Variants in EML5 observed in about 807,000 individuals in gnomAD.
EML5 encodes EMAP like 5, also known as echinoderm microtubule-associated protein-like 5.
A neutral mutation model predicts 250.0 loss-of-function variants in EML5; 120 were observed. That is an observed-to-expected ratio of 0.48 (90% confidence interval 0.41 to 0.56). EML5 has a LOEUF of 0.56. EML5 is among the 20% of genes least tolerant of loss of function. The pLI is 0.00. For synonymous variants in EML5, 771 were observed against 806.5 expected, an observed-to-expected ratio of 0.96 and a Z score of 0.75; for missense variants, 2,006 against 2,437.6, an observed-to-expected ratio of 0.82 and a Z score of 3.73.
chr14:88,616,057 A>G (rs2087559388), intron 43 of EML5, 85 bp downstream of exon 43: 3 of 1,425,414 alleles, frequency 2.1e-6, no homozygotes, highest in Non-Finnish European at 3.0e-6. Flanking sequence ...AGCTGATTTC[A>G]TAAACCAAAG....
intron 16 of EML5, 39 bp downstream of exon 16, chr14:88,695,322 C>T: frequency 6.5e-7 from 1 of 1,527,736 alleles, no homozygotes; most frequent in Admixed American, 2.0e-5. Context: ...CAAAGTAATT[C>T]TAGTATTTTG....
intron 37 of EML5, chr14:88,621,800 T>A: frequency 2.5e-6 from 1 of 403,846 alleles, no homozygotes. Flanking sequence ...AATTGACACA[T>A]AATTATACAT....
chr14:88,639,979 A>G (rs903955314), intron 31 of EML5, among the ~76,000 whole-genome samples: 1 of 152,214 alleles, frequency 6.6e-6, no homozygotes, highest in African/African-American at 2.4e-5. Flanking sequence ...TCCATGCAGA[A>G]GGGAAAAAAG....
chr14:88,677,018 C>T (rs1427007435), intron 21 of EML5, among the ~76,000 whole-genome samples: 1 of 152,174 alleles, frequency 6.6e-6, no homozygotes, highest in Non-Finnish European at 1.5e-5. Context: ...AATTCTCTTG[C>T]CTAAGCCTCC....
intron 1 of EML5, 66 bp from the exon 2 acceptor site, chr14:88,754,737 G>T: frequency 7.3e-7 from 1 of 1,369,330 alleles, no homozygotes; most frequent in Non-Finnish European, 1.0e-6. Flanking sequence ...TATAGTATTT[G>T]GTAGATGTAA....
intron 4 of EML5, 125 bp from the exon 5 acceptor site, chr14:88,740,697 T>C: frequency 2.6e-6 from 2 of 776,580 alleles, no homozygotes; most frequent in South Asian, 5.1e-5. Flanking sequence ...TGCCTTATGA[T>C]AAAATAGCAT....
chr14:88,725,590 A>G (rs764494085), intron 8 of EML5, among the ~76,000 whole-genome samples: 9 of 152,174 alleles, frequency 5.9e-5, no homozygotes, highest in Non-Finnish European at 1.3e-4. Context: ...ATACCACGTG[A>G]AGGATTATGA....
At chr14:88,778,877 T>C (rs749374443) in intron 1 of EML5, among the ~76,000 whole-genome samples, 54 of 152,250 alleles carry the variant, frequency 3.5e-4, no homozygotes, top group Non-Finnish European at 4.8e-4. Flanking sequence ...TTTAAGCATA[T>C]AACAGGATTT....
chr14:88,739,088 T>C, intron 5 of EML5, 74 bp from the exon 6 acceptor site: 1 of 1,334,126 alleles, frequency 7.5e-7, no homozygotes, highest in Non-Finnish European at 1.0e-6. Context: ...TAGAAACCCT[T>C]TTAAACCAAT....
intron 17 of EML5, among the ~76,000 whole-genome samples, chr14:88,688,845 A>T (rs560931682): frequency 1.3e-5 from 2 of 152,218 alleles, no homozygotes; most frequent in Non-Finnish European, 2.9e-5. Flanking sequence ...AGTAACTGAA[A>T]TGTCATGCCA....
intron 39 of EML5, chr14:88,619,452 C>A (rs905650550): frequency 6.6e-6 from 1 of 152,280 alleles, no homozygotes; most frequent in African/African-American, 2.4e-5. Context: ...CAATCCTTCC[C>A]CCTTGGCCTC....
intron 33 of EML5, among the ~76,000 whole-genome samples, chr14:88,634,152 G>T (rs1352388390): frequency 6.6e-6 from 1 of 152,132 alleles, no homozygotes. Flanking sequence ...TCTTGTGATT[G>T]TGAGTTCTCA....
At chr14:88,646,923 T>A (rs752982819) in intron 29 of EML5, 24 bp downstream of exon 29, 6 of 1,588,300 alleles carry the variant, frequency 3.8e-6, no homozygotes, top group Non-Finnish European at 4.2e-6. Context: ...TTAGGCTTTG[T>A]AAACACAGCA....
intron 25 of EML5, 137 bp downstream of exon 25, chr14:88,661,517 C>T (rs544747050): frequency 1.3e-6 from 1 of 748,658 alleles, no homozygotes; most frequent in Non-Finnish European, 2.1e-6. Flanking sequence ...AGATATGAAA[C>T]ATAATTCTGA....
intron 1 of EML5, among the ~76,000 whole-genome samples, chr14:88,761,906 T>C (rs540068700): frequency 6.6e-6 from 1 of 152,334 alleles, no homozygotes; most frequent in African/African-American, 2.4e-5. Context: ...TGAGATGATA[T>C]CATACTGTGG....
chr14:88,746,827 A>G (rs1269958075), intron 2 of EML5, among the ~76,000 whole-genome samples: 1 of 151,984 alleles, frequency 6.6e-6, no homozygotes, highest in Non-Finnish European at 1.5e-5. Context: ...ACAACAAATA[A>G]CCCCTTCCTA....
intron 7 of EML5, among the ~76,000 whole-genome samples, chr14:88,732,788 A>G (rs949609718): frequency 2.6e-5 from 4 of 152,170 alleles, no homozygotes; most frequent in African/African-American, 9.7e-5. Flanking sequence ...ACCAAGATTG[A>G]AATTTTTCTG....
At chr14:88,703,410 C>T (rs926078832) in intron 13 of EML5, among the ~76,000 whole-genome samples, 5 of 152,134 alleles carry the variant, frequency 3.3e-5, no homozygotes, top group Admixed American at 6.5e-5. Context: ...GAGAATACAA[C>T]GTATATTCCA....
rs542779615 is a variant in EML5 at position 88,713,507 on chromosome 14, T to C, written c.1445-1024A>G. On this transcript the variant is annotated intron_variant, in intron 9 of 43. Transcript: ENST00000554922. ...TATTTGTTTAGTTAGAGCCACGATC[T>C]TGCTCTTTCACCCAGGCTGGAGTTC... Among the ~76,000 whole-genome samples the C allele has an allele frequency of 2.6e-5, 4 of 152,292 alleles. No individual in the cohort carries two copies. The South Asian group carries it at 8.3e-4, about 32-fold the overall frequency.
Sources: gnomAD v4.1 joint callset for allele counts (sites outside exome capture counted in the v4.1 genomes callset) on GRCh38, gnomAD v4.1.1 for gene constraint, MANE v1.5 for transcripts, NCBI Gene and HGNC (gene_info 2026-07-23, HGNC 2026-07-21) for gene names.